The following DYNC1H1 variants were observed in gnomAD, a reference collection of about 807,000 sequenced individuals.
The protein encoded by DYNC1H1 is dynein cytoplasmic 1 heavy chain 1, also known as cytoplasmic dynein 1 heavy chain 1.
DYNC1H1 carries 51 observed loss-of-function variants against 527.1 expected under a neutral mutation model. The observed-to-expected ratio is 0.10, with a 90% CI of 0.08 to 0.12. The LOEUF is 0.12. Ranked by LOEUF, DYNC1H1 falls within the 10% of genes least tolerant of loss-of-function variation. DYNC1H1 has a pLI of 1.00. For missense variants in DYNC1H1, 2,771 were observed against 5,971.8 expected, an observed-to-expected ratio of 0.46 and a Z score of 17.66; for synonymous variants, 2,189 against 2,278.8, an observed-to-expected ratio of 0.96 and a Z score of 1.12.
intron 63 of DYNC1H1, 24 bp downstream of exon 63, chr14:102,040,434 C>A: frequency 6.2e-7 from 1 of 1,614,066 alleles, no homozygotes; most frequent in Non-Finnish European, 8.5e-7. Context: ...TGAATGTTCC[C>A]AGTAGGTAAA....
Position 102,012,259 on chromosome 14 carries a change from C to G in DYNC1H1, c.6858-55C>G. ...CAGAAACCATCATCGGTAAACATGC[C>G]TAATGTTAAAATCTTGATTTAATCA... On this transcript the variant is annotated intron_variant, in intron 33 of 77. Transcript: ENST00000360184. The surrounding 1 kb of genome is among the most constrained non-coding windows in gnomAD (Gnocchi z 4.9). 1 of 1,613,740 alleles carries G rather than the reference C, an allele frequency of 6.2e-7. No homozygotes were observed. Among genetic ancestry groups the G allele is most frequent in the East Asian group, 2.2e-5 (1 of 44,892 alleles).
chr14:102,006,714 CTCAGT>C (rs1567008725), intron 27 of DYNC1H1, among the ~76,000 whole-genome samples: 1 of 152,096 alleles, frequency 6.6e-6, no homozygotes, highest in African/African-American at 2.4e-5. Context: ...GATCTCCTGC[CTCAGT>C]CTCCCAAGTA....
At position 101,991,515 on chromosome 14, in the gene DYNC1H1, T is replaced by C; in HGVS notation, c.2869-12T>C. On this transcript the variant is annotated splice_polypyrimidine_tract_variant and intron_variant, in intron 10 of 77. Transcript: ENST00000360184. ...TAGATTGCTGAGTAGAAATGAAACC[T>C]TTCTTTCACAGAATGTCGTTCATGA... The C allele has an allele frequency of 6.2e-7, 1 of 1,614,188 alleles. No homozygotes were observed. The highest frequency in any genetic ancestry group is 8.5e-7 in the Non-Finnish European group (1 of 1,180,020).
At position 102,015,276 on chromosome 14, in the gene DYNC1H1, C is replaced by T. The variant is rs763030235; in HGVS notation, c.7186C>T (p.Arg2396Trp). The T allele has an allele frequency of 3.1e-6, 5 of 1,614,080 alleles. No individual in the cohort carries two copies. Among genetic ancestry groups the T allele is most frequent in the Non-Finnish European group, 4.2e-6 (5 of 1,180,048 alleles). The change falls in exon 35 of 78, where the codon CGG (arginine) becomes TGG (tryptophan). Residue 2396 changes from arginine to tryptophan, a missense_variant. This residue lies in a region of DYNC1H1 where 122 missense variants were observed against 168.4 expected (regional missense o/e 0.72). Transcript: ENST00000360184. This position sits in a 1 kb window ranked among gnomAD's most constrained non-coding sequence, Gnocchi z 6.9. ...GGATGAAGGGGAGGATGAGGCACAG[C>T]GGCGGCGTAAGGGCAAAGAGGATGA... ...PLDEGEDEAQ[R>W]RRKGKEDEGE...
chr14:102,052,840 G>GT lies in DYNC1H1; in HGVS notation c.*2283dup, dbSNP rs938275986. The stretch of plus-strand genomic sequence containing the variant: ...GGCCACTTCTATGACAAGAATGTGG[G>GT]TTTTTTGTGACAGGGCGTCTACTAT... On this transcript the variant is annotated 3_prime_UTR_variant, in exon 78 of 78. Transcript: ENST00000360184. The GT allele has an allele frequency of 1.3e-5, 2 of 152,184 alleles. No homozygotes were observed. Among genetic ancestry groups the GT allele is most frequent in the African/African-American group, 4.8e-5 (2 of 41,428 alleles). 9.4% of individuals were successfully genotyped at this position (152,184 alleles called of 1,614,324 possible). A position where few individuals can be genotyped will look rare whatever the true frequency, so the allele number is the denominator to read the frequency against.
chr14:102,040,091 C>G, intron 62 of DYNC1H1, 145 bp from the exon 63 acceptor site: 2 of 1,128,198 alleles, frequency 1.8e-6, no homozygotes, highest in Non-Finnish European at 2.7e-6. Flanking sequence ...GTGATCCGCC[C>G]ACCTCGGCCT....
Position 102,030,195 on chromosome 14 carries a change from A to C in DYNC1H1, c.9796A>C (p.Lys3266Gln), listed in dbSNP as rs2048494968. Reference sequence around the variant, plus strand: ...CCAAGAAATCCAGGAACAGCTGCATAAGCAGCAGGAGGTAATTGCAGACAA... The same window carrying C: ...CCAAGAAATCCAGGAACAGCTGCATCAGCAGCAGGAGGTAATTGCAGACAA... ...MSQEIQEQLH[K>Q]QQEVIADKQM... is the part of the protein sequence containing the mutation. The change falls in exon 51 of 78, where the codon AAG becomes CAG. Residue 3266 changes from lysine (K) to glutamine (Q), a missense_variant. By Grantham distance (53) the Lys-to-Gln change is moderately conservative. This residue lies in a region of DYNC1H1 where 30 missense variants were observed against 117.8 expected (regional missense o/e 0.25). Transcript: ENST00000360184. 6.2e-7 allele frequency: 1 copy of C among 1,614,096 alleles called. No individual in the cohort carries two copies. Among genetic ancestry groups the C allele is most frequent in the African/African-American group, 1.3e-5 (1 of 74,934 alleles).
Position 102,044,859 on chromosome 14 carries a change from C to T in DYNC1H1, c.13006+161C>T. 1.3e-6 allele frequency: 1 copy of T among 791,134 alleles called. No individual in the cohort carries two copies. Among genetic ancestry groups the T allele is most frequent in the Non-Finnish European group, 2.1e-6 (1 of 486,968 alleles). 49.0% of individuals were successfully genotyped at this position (791,134 alleles called of 1,614,324 possible). A position where few individuals can be genotyped will look rare whatever the true frequency, so the allele number is the denominator to read the frequency against. ...GGCTCTGTCAGCCTCGGCCTTCCTGCCAGTCTCCAGCTGCTCCTAGCTCCA... is the reference window on the plus strand; with the variant it reads ...GGCTCTGTCAGCCTCGGCCTTCCTGTCAGTCTCCAGCTGCTCCTAGCTCCA... On this transcript the variant is annotated intron_variant, in intron 72 of 77. Transcript: ENST00000360184. The surrounding 1 kb of genome is among the most constrained non-coding windows in gnomAD (Gnocchi z 7.1).
chr14:101,969,026 C>CT (rs1049568923), intron 1 of DYNC1H1, among the ~76,000 whole-genome samples: 278 of 150,008 alleles, frequency 1.9e-3, no homozygotes, highest in African/African-American at 6.4e-3. Flanking sequence ...TTCTTTTTTT[C>CT]TTTTTTTTTG....
intron 9 of DYNC1H1, among the ~76,000 whole-genome samples, 180 bp from the exon 10 acceptor site, chr14:101,988,523 T>C (rs2047960972): frequency 6.6e-6 from 1 of 152,196 alleles, no homozygotes; most frequent in African/African-American, 2.4e-5. Flanking sequence ...GAAGACAGCC[T>C]AACAAGTGAT....
rs543319257 is a variant in DYNC1H1 at position 102,038,701 on chromosome 14, G to A, written c.11059G>A (p.Glu3687Lys). The change falls in exon 59 of 78, where the codon GAG (glutamate) becomes AAG (lysine). Residue 3687 changes from glutamate (E) to lysine (K), a missense_variant. By Grantham distance (56) the Glu-to-Lys change is moderately conservative (BLOSUM62 1). Around this residue, in one of 32 missense-constraint regions of DYNC1H1, gnomAD observed 283 missense variants for 737.6 expected, o/e 0.38. Transcript: ENST00000360184. This position sits in a 1 kb window ranked among gnomAD's most constrained non-coding sequence, Gnocchi z 7.2. ...GTTCTGTTACCTATTTTGGCAGGTC[G>A]AGTTCCCACCAGATCTCTGTTCCCG... ...IFLSTRDPTV[E>K]FPPDLCSRVT... is the part of the protein sequence containing the mutation. 1.9e-6 allele frequency: 3 copies of A among 1,614,198 alleles called. No homozygotes were observed. Among genetic ancestry groups the A allele is most frequent in the Admixed American group, 1.7e-5 (1 of 60,024 alleles).
At position 102,010,544 on chromosome 14, in the gene DYNC1H1, C is replaced by G. The variant is rs1302729532; in HGVS notation, c.6405+85C>G. 5.8e-6 allele frequency: 9 copies of G among 1,557,634 alleles called. No individual in the cohort carries two copies. The highest frequency in any genetic ancestry group is 3.5e-6 in the Non-Finnish European group (4 of 1,146,804). On this transcript the variant is annotated intron_variant, in intron 31 of 77. Coordinates refer to ENST00000360184, the MANE Select transcript of DYNC1H1 (RefSeq NM_001376.5). The surrounding 1 kb of genome is among the most constrained non-coding windows in gnomAD (Gnocchi z 6.0). ...ACATTTAAGCCATGACTTGTGAGTTCTTCTTGCAGTTCACATGTCTTGGGA... is the reference window on the plus strand; with the variant it reads ...ACATTTAAGCCATGACTTGTGAGTTGTTCTTGCAGTTCACATGTCTTGGGA...
intron 10 of DYNC1H1, among the ~76,000 whole-genome samples, 180 bp downstream of exon 10, chr14:101,989,032 C>G (rs995219350): frequency 1.3e-5 from 2 of 152,178 alleles, no homozygotes; most frequent in Admixed American, 6.5e-5. Context: ...TGATGTGATG[C>G]GATGGGAAGG....
At chr14:102,000,842 G>A (rs1435370778) in intron 18 of DYNC1H1, 112 bp from the exon 19 acceptor site, 17 of 956,434 alleles carry the variant, frequency 1.8e-5, no homozygotes, top group Non-Finnish European at 1.2e-5. Flanking sequence ...CAAAGTGCTG[G>A]GATTACAGGC....
rs767094511 is a variant in DYNC1H1 at position 102,041,769 on chromosome 14, A to G, written c.12102+35A>G. ...TGGTACAGCCCGGGCTTCCCACGAG[A>G]CTCCATGCCCACCTCCCCAGCCACA... On this transcript the variant is annotated intron_variant, in intron 65 of 77. Coordinates refer to ENST00000360184, the MANE Select transcript of DYNC1H1 (RefSeq NM_001376.5). This position sits in a 1 kb window ranked among gnomAD's most constrained non-coding sequence, Gnocchi z 4.5. 1 of 1,612,628 alleles carries G rather than the reference A, an allele frequency of 6.2e-7. No individual in the cohort carries two copies. The highest frequency in any genetic ancestry group is 8.5e-7 in the Non-Finnish European group (1 of 1,179,856).
chr14:101,972,449 G>A (rs928545673), intron 1 of DYNC1H1, among the ~76,000 whole-genome samples: 2 of 152,212 alleles, frequency 1.3e-5, no homozygotes, highest in Non-Finnish European at 2.9e-5. Context: ...TAGCAAAGCA[G>A]CAGGGAATAT....
Position 102,029,568 on chromosome 14 carries a change from C to T in DYNC1H1, c.9498C>T (p.Gly3166=), listed in dbSNP as rs1434226100. The T allele has an allele frequency of 2.5e-6, 4 of 1,614,074 alleles. No homozygotes were observed. In the Admixed American group the frequency reaches 6.7e-5, roughly 27 times the overall value. The change falls in exon 49 of 78, where the codon GGC becomes GGT. Residue 3166 remains glycine, a synonymous_variant. Transcript: ENST00000360184. This position sits in a 1 kb window ranked among gnomAD's most constrained non-coding sequence, Gnocchi z 5.3. Reference sequence around the variant, plus strand: ...ATGCTCGGCTAGCAAAGCGAGGCGGCAGAACGATGGCCATCACCCCTCGCC... The same window carrying T: ...ATGCTCGGCTAGCAAAGCGAGGCGGTAGAACGATGGCCATCACCCCTCGCC... ...QANARLAKRG[G]RTMAITPRHY... is the part of the protein sequence containing the mutation.
At chr14:101,968,596 A>G (rs1380218519) in intron 1 of DYNC1H1, among the ~76,000 whole-genome samples, 1 of 151,798 alleles carries the variant, frequency 6.6e-6, no homozygotes, top group Non-Finnish European at 1.5e-5. Context: ...ACAGGGTCTC[A>G]CTGTTGTCCA....
Position 102,049,830 on chromosome 14 carries a change from C to T in DYNC1H1, c.13632C>T (p.Asn4544=), listed in dbSNP as rs1278422408. 23 of 1,613,786 alleles carry T rather than the reference C, an allele frequency of 1.4e-5. No homozygotes were observed. Among genetic ancestry groups the T allele is most frequent in the East Asian group, 6.7e-5 (3 of 44,890 alleles). Residue 4544 remains asparagine, a synonymous_variant, in exon 76 of 78, where the codon AAC becomes AAT. Coordinates refer to ENST00000360184, the MANE Select transcript of DYNC1H1 (RefSeq NM_001376.5). The surrounding 1 kb of genome is among the most constrained non-coding windows in gnomAD (Gnocchi z 5.5). ...WSLEELCLEV[N]VTTSQGATLD... is the part of the protein sequence containing the mutation. ...TGGAGGAGCTCTGCCTGGAAGTCAA[C>T]GTCACCACCTCACAGGGCGCCACCC...
Sources: gnomAD v4.1 joint callset for allele counts (sites outside exome capture counted in the v4.1 genomes callset) on GRCh38, gnomAD v4.1.1 for gene constraint, gnomAD v4.1.1 regional missense constraint, Gnocchi (gnomAD v3.1) non-coding constraint, MANE v1.5 for transcripts, NCBI Gene and HGNC (gene_info 2026-07-23, HGNC 2026-07-21) for gene names.